The following ADAMTS9 variants were observed in gnomAD, a reference collection of about 807,000 sequenced individuals.
The protein encoded by ADAMTS9 is ADAM metallopeptidase with thrombospondin type 1 motif 9.
A neutral mutation model predicts 257.1 loss-of-function variants in ADAMTS9; 107 were observed. The ratio of observed to expected loss-of-function variants is 0.42; its 90% CI spans 0.36 to 0.49. The LOEUF is 0.49. Among genes scored for constraint, ADAMTS9 ranks in the 20% least tolerant of loss-of-function variants. The probability of loss-of-function intolerance (pLI) is 0.03; values close to 1 mark genes in which losing one functional copy is unlikely to be tolerated. For synonymous variants in ADAMTS9, 982 were observed against 880.9 expected (o/e 1.11, Z -2.03); for missense variants, 2,353 against 2,469.1 (o/e 0.95, Z 1.00).
chr3:64,533,223 T>G lies in ADAMTS9; in HGVS notation c.5661A>C (p.Glu1887Asp). ...TCCCTTGTGATATCCATCTGGCAGATTCAGTTAAAGACAAGCCGGTTCCAT... is the reference window on the plus strand; with the variant it reads ...TCCCTTGTGATATCCATCTGGCAGAGTCAGTTAAAGACAAGCCGGTTCCAT... Reference protein sequence around the residue: ...NLYGTGLSLTESARWISQGNY... With the variant: ...NLYGTGLSLTDSARWISQGNY... Residue 1887 changes from glutamate (E) to aspartate (D), a missense_variant, in exon 38 of 40, where the codon GAA becomes GAC. Transcript: ENST00000498707. The G allele has an allele frequency of 6.2e-7, 1 of 1,614,126 alleles. No homozygotes were observed. The highest frequency in any genetic ancestry group is 8.5e-7 in the Non-Finnish European group (1 of 1,180,006).
chr3:64,674,764 C>T (rs1701585429), intron 3 of ADAMTS9, among the ~76,000 whole-genome samples: 1 of 152,172 alleles, frequency 6.6e-6, no homozygotes, highest in East Asian at 1.9e-4. Context: ...ATAGGCTGCC[C>T]CAGAATGTTT....
At chr3:64,609,311 T>C (rs2084623153) in intron 22 of ADAMTS9, among the ~76,000 whole-genome samples, 2 of 152,006 alleles carry the variant, frequency 1.3e-5, no homozygotes, top group Non-Finnish European at 1.5e-5. Flanking sequence ...ATAAAAGACA[T>C]GCAAAGAAAG....
intron 22 of ADAMTS9, 115 bp from the exon 23 acceptor site, chr3:64,607,194 G>T: frequency 7.1e-7 from 1 of 1,409,958 alleles, no homozygotes; most frequent in Non-Finnish European, 9.6e-7. Context: ...CCAGAGGGCT[G>T]GCGCTCAAAT....
At chr3:64,572,733 G>A (rs771518662) in intron 28 of ADAMTS9, among the ~76,000 whole-genome samples, 1 of 152,124 alleles carries the variant, frequency 6.6e-6, no homozygotes, top group African/African-American at 2.4e-5. Context: ...ATGTACACAG[G>A]ATCTGGCCAG....
chr3:64,548,838 C>T (rs78683753), intron 31 of ADAMTS9, among the ~76,000 whole-genome samples: 2,585 of 152,312 alleles, frequency 0.017, 59 homozygotes, highest in East Asian at 0.076. Flanking sequence ...CACATGAGCA[C>T]GTATTACTTT....
intron 37 of ADAMTS9, among the ~76,000 whole-genome samples, chr3:64,538,882 T>A (rs2083085575): frequency 6.7e-6 from 1 of 149,928 alleles, no homozygotes; most frequent in African/African-American, 2.4e-5. Context: ...CCGCTGACTG[T>A]ACAATATTCA....
intron 8 of ADAMTS9, among the ~76,000 whole-genome samples, chr3:64,653,204 G>A (rs77794434): frequency 2.0e-4 from 31 of 152,040 alleles, no homozygotes; most frequent in Middle Eastern, 3.2e-3. Flanking sequence ...AAGTCCCACC[G>A]CCACTAAGCT....
At chr3:64,596,733 A>T in intron 27 of ADAMTS9, 97 bp downstream of exon 27, 1 of 1,445,414 alleles carries the variant, frequency 6.9e-7, no homozygotes, top group Non-Finnish European at 9.4e-7. Flanking sequence ...AGCTTCTACT[A>T]GAGCTAGTTC....
At position 64,686,814 on chromosome 3, in the gene ADAMTS9, A is replaced by G. The variant is rs759306021; in HGVS notation, c.270T>C (p.Ser90=). 5.6e-6 allele frequency: 9 copies of G among 1,613,960 alleles called. No homozygotes were observed. In the Admixed American group the frequency reaches 1.5e-4, roughly 27 times the overall value. The change falls in exon 2 of 40, where the codon TCT becomes TCC. Residue 90 remains serine, a synonymous_variant. Transcript: ENST00000498707. This position sits in a 1 kb window ranked among gnomAD's most constrained non-coding sequence, Gnocchi z 4.6. ...GCGCCTGGGAGGAGGTAGAGGAGGA[A>G]GAGGAGGAGGCGAAGGCAGGCCAGG... The part of the protein sequence containing the change: ...TDPWPAFASS[S]SSSTSSQAHY...
chr3:64,611,573 G>T (rs1024434334), intron 22 of ADAMTS9, among the ~76,000 whole-genome samples: 2 of 152,012 alleles, frequency 1.3e-5, no homozygotes, highest in Admixed American at 1.3e-4. Flanking sequence ...CACAGATGGG[G>T]TGGGTGGGGG....
rs1453610604 is a variant in ADAMTS9, at chr3:64,681,269, T to A, written c.611A>T (p.His204Leu). Residue 204 changes from histidine to leucine, a missense_variant, in exon 3 of 40, where the codon CAC becomes CTC. His to Leu is a moderately conservative substitution (Grantham distance 99). Around this residue, in one of 3 missense-constraint regions of ADAMTS9, gnomAD observed 591 missense variants for 569.6 expected, o/e 1.04. Transcript: ENST00000498707. ...QEDEEEQNKP[H>L]IIYRRSAPQR... The stretch of plus-strand genomic sequence containing the variant: ...GGGGGCGCTGCGCCTATAAATGATG[T>A]GGGGTTTGTTTTGTTCCTCTTCATC... 6.2e-7 allele frequency: 1 copy of A among 1,614,058 alleles called. No individual in the cohort carries two copies. Among genetic ancestry groups the A allele is most frequent in the Non-Finnish European group, 8.5e-7 (1 of 1,179,980 alleles).
At chr3:64,531,145 G>A (rs1375211067) in intron 38 of ADAMTS9, among the ~76,000 whole-genome samples, 1 of 151,366 alleles carries the variant, frequency 6.6e-6, no homozygotes. Context: ...ATGGAGAAGA[G>A]AGAGAGTGAG....
intron 12 of ADAMTS9, among the ~76,000 whole-genome samples, chr3:64,641,429 C>T (rs1700637192): frequency 6.6e-6 from 1 of 150,662 alleles, no homozygotes; most frequent in South Asian, 2.1e-4. Flanking sequence ...ATTAACTCGT[C>T]ATTTAGCATT....
intron 22 of ADAMTS9, among the ~76,000 whole-genome samples, chr3:64,608,258 C>CAAAAAAAAAAAAAAA (rs57247914): frequency 3.2e-4 from 17 of 53,294 alleles, no homozygotes; most frequent in South Asian, 6.4e-4. Flanking sequence ...AAACTAAAAC[C>CAAAAAAAAAAAAAAA]AAAAAAAAAA....
chr3:64,569,454 A>C (rs1026501458), intron 28 of ADAMTS9, among the ~76,000 whole-genome samples: 5 of 152,226 alleles, frequency 3.3e-5, no homozygotes, highest in Admixed American at 2.0e-4. Context: ...ATGAAGAACA[A>C]AATGTGAAAA....
intron 28 of ADAMTS9, among the ~76,000 whole-genome samples, chr3:64,581,623 G>A (rs898576639): frequency 6.6e-6 from 1 of 152,150 alleles, no homozygotes; most frequent in African/African-American, 2.4e-5. Context: ...AGAATTACCG[G>A]TAAGATTACA....
intron 2 of ADAMTS9, among the ~76,000 whole-genome samples, chr3:64,682,156 C>T (rs543108542): frequency 6.6e-6 from 1 of 152,298 alleles, no homozygotes; most frequent in Admixed American, 6.5e-5. Context: ...AATTTCAGCA[C>T]CAGCACCTAC....
At chr3:64,568,084 G>T (rs1241655729) in intron 29 of ADAMTS9, among the ~76,000 whole-genome samples, 1 of 152,136 alleles carries the variant, frequency 6.6e-6, no homozygotes, top group African/African-American at 2.4e-5. Flanking sequence ...CATCAGTGAA[G>T]TATTGAGGGG....
At chr3:64,548,526 G>C (rs1459890190) in intron 31 of ADAMTS9, among the ~76,000 whole-genome samples, 1 of 152,110 alleles carries the variant, frequency 6.6e-6, no homozygotes, top group Non-Finnish European at 1.5e-5. Flanking sequence ...TTGTGCATTT[G>C]AGAGGGGCAA....
Sources: gnomAD v4.1 joint callset for allele counts (sites outside exome capture counted in the v4.1 genomes callset) on GRCh38, gnomAD v4.1.1 for gene constraint, gnomAD v4.1.1 regional missense constraint, Gnocchi (gnomAD v3.1) non-coding constraint, MANE v1.5 for transcripts, NCBI Gene and HGNC (gene_info 2026-07-23, HGNC 2026-07-21) for gene names.